METRNL: variants seen among roughly 807,000 people sequenced by gnomAD.
The protein encoded by METRNL is meteorin-like protein.
Under a neutral mutation model 17.4 loss-of-function variants are expected in METRNL, and 9 were observed. The observed-to-expected ratio is 0.52, with a 90% CI of 0.31 to 0.90. The LOEUF is 0.90. METRNL is among the 40% of genes least tolerant of loss of function. The pLI is 0.05. For synonymous variants in METRNL, 215 were observed against 199.3 expected, an observed-to-expected ratio of 1.08 and a Z score of -0.66; for missense variants, 408 against 430.7, an observed-to-expected ratio of 0.95 and a Z score of 0.47.
chr17:83,083,280 G>A (rs998849459), intron 1 of METRNL, among the ~76,000 whole-genome samples: 6 of 152,202 alleles, frequency 3.9e-5, no homozygotes, highest in South Asian at 2.1e-4. Flanking sequence ...ACCAGAGCCC[G>A]CTCCCTCGAC....
chr17:83,083,403 G>A (rs927188505), intron 1 of METRNL, among the ~76,000 whole-genome samples: 10 of 152,232 alleles, frequency 6.6e-5, no homozygotes, highest in African/African-American at 2.2e-4. Context: ...TGCCAGAGAC[G>A]GGAGGGAGAG....
intron 2 of METRNL, among the ~76,000 whole-genome samples, chr17:83,088,444 T>G (rs754863825): frequency 2.0e-5 from 3 of 152,182 alleles, no homozygotes; most frequent in Non-Finnish European, 2.9e-5. Flanking sequence ...AGGATTCCAG[T>G]CTGTTCTTCA....
chr17:83,081,507 AC>A (rs1045555268), intron 1 of METRNL, among the ~76,000 whole-genome samples: 2 of 151,958 alleles, frequency 1.3e-5, no homozygotes. Context: ...CGGGGAGGCC[AC>A]CCCTCCACCT....
chr17:83,081,562 A>G (rs796167639), intron 1 of METRNL, among the ~76,000 whole-genome samples: 42 of 152,240 alleles, frequency 2.8e-4, no homozygotes, highest in African/African-American at 9.9e-4. Flanking sequence ...GCAGCGGGAC[A>G]GGAGTGCTTT....
rs749764393 is a variant in METRNL, at chr17:83,093,171, G to A, written c.561G>A (p.Pro187=). 7 of 1,607,486 alleles carry A rather than the reference G, an allele frequency of 4.4e-6. No individual in the cohort carries two copies. The highest frequency in any genetic ancestry group is 1.1e-5 in the South Asian group (1 of 91,070). The change falls in exon 3 of 4, where the codon CCG becomes CCA. Residue 187 remains proline, a synonymous_variant. Transcript: ENST00000320095. ...RASDLHELSA[P]CRPCSDTEVL... ...GACTCTGCCTTTCTTCTCCAGCGCCGTGCCGTCCCTGCAGTGACACCGAGG... is the reference window on the plus strand; with the variant it reads ...GACTCTGCCTTTCTTCTCCAGCGCCATGCCGTCCCTGCAGTGACACCGAGG...
intron 2 of METRNL, among the ~76,000 whole-genome samples, chr17:83,090,143 CGCCCCGCCCCAGGG>C (rs2038102775): frequency 7.2e-6 from 1 of 139,550 alleles, no homozygotes; most frequent in Non-Finnish European, 1.6e-5. Flanking sequence ...CACACACCCC[CGCCCCGCCCCAGGG>C]TGGGAGCCAC....
chr17:83,089,350 C>G (rs890648552), intron 2 of METRNL, among the ~76,000 whole-genome samples: 1 of 152,194 alleles, frequency 6.6e-6, no homozygotes, highest in Non-Finnish European at 1.5e-5. Context: ...GTAATCGTGG[C>G]CACAGAGGTT....
chr17:83,088,954 C>G (rs989771301), intron 2 of METRNL, among the ~76,000 whole-genome samples: 5 of 152,148 alleles, frequency 3.3e-5, no homozygotes. Flanking sequence ...TTGGTGCCTT[C>G]TCTCCGGCCA....
At chr17:83,091,598 A>G (rs2038137949) in intron 2 of METRNL, among the ~76,000 whole-genome samples, 1 of 152,218 alleles carries the variant, frequency 6.6e-6, no homozygotes, top group Non-Finnish European at 1.5e-5. Flanking sequence ...TGGGACCCCC[A>G]GTCACCAGCA....
intron 1 of METRNL, among the ~76,000 whole-genome samples, chr17:83,081,356 G>C (rs2037985791): frequency 6.6e-6 from 1 of 151,966 alleles, no homozygotes; most frequent in Admixed American, 6.5e-5. Context: ...ACCGAAGCCA[G>C]AAACGCCGCC....
rs776403838 is a variant in METRNL, at chr17:83,084,941, G to T, written c.174G>T (p.Gly58=). The T allele has an allele frequency of 6.2e-7, 1 of 1,610,022 alleles. No individual in the cohort carries two copies. The highest frequency in any genetic ancestry group is 8.5e-7 in the Non-Finnish European group (1 of 1,177,878). Residue 58 remains glycine, a synonymous_variant, in exon 2 of 4, where the codon GGG becomes GGT. Transcript: ENST00000320095. ...SSDRCSWKGS[G]LTHEAHRKEV... ...TGACAGTGTCTCTCCTCTGCAGCGG[G>T]CTGACGCACGAGGCACACAGGAAGG...
intron 2 of METRNL, among the ~76,000 whole-genome samples, chr17:83,085,615 C>T (rs890459849): frequency 1.2e-4 from 18 of 152,198 alleles, no homozygotes; most frequent in African/African-American, 4.3e-4. Context: ...ACTAAAACCA[C>T]CTTTGAAAAG....
chr17:83,084,062 A>T (rs66468457), intron 1 of METRNL: 1 of 151,946 alleles, frequency 6.6e-6, no homozygotes. Context: ...AGTGTAGCAC[A>T]CTTCATTTTT....
chr17:83,082,792 C>T (rs1006890211), intron 1 of METRNL, among the ~76,000 whole-genome samples: 5 of 152,214 alleles, frequency 3.3e-5, no homozygotes, highest in South Asian at 2.1e-4. Context: ...GACTTCGTGC[C>T]GAGGTCTGCT....
At chr17:83,087,101 G>C (rs562188094) in intron 2 of METRNL, among the ~76,000 whole-genome samples, 1 of 152,114 alleles carries the variant, frequency 6.6e-6, no homozygotes, top group African/African-American at 2.4e-5. Context: ...GTGGGTCCTC[G>C]CTCACCCTCC....
At position 83,085,185 on chromosome 17, in the gene METRNL, C is replaced by A. The variant is rs199503836; in HGVS notation, c.418C>A (p.Arg140=). 1.9e-6 allele frequency: 3 copies of A among 1,611,364 alleles called. No individual in the cohort carries two copies. The South Asian group carries it at 3.3e-5, about 18-fold the overall frequency. ...LVPDGDGRPG[R]VQCFGLEQGG... ...ACCAGACGGGGACGGCAGGCCCGGC[C>A]GGGTGCAGTGTTTTGGCCTGGAGCA... is the stretch of plus-strand genomic sequence containing the variant. The change falls in exon 2 of 4, where the codon CGG becomes AGG. Residue 140 remains arginine (R), a synonymous_variant. Coordinates refer to ENST00000320095, the MANE Select transcript of METRNL (RefSeq NM_001004431.3).
chr17:83,090,009 G>A (rs921435198), intron 2 of METRNL, among the ~76,000 whole-genome samples: 1 of 152,036 alleles, frequency 6.6e-6, no homozygotes, highest in Non-Finnish European at 1.5e-5. Context: ...GCCGTCCGCT[G>A]AGGTCGTGGG....
intron 1 of METRNL, among the ~76,000 whole-genome samples, chr17:83,080,674 G>T (rs1486937590): frequency 6.9e-6 from 1 of 145,476 alleles, no homozygotes; most frequent in Non-Finnish European, 1.5e-5. Context: ...TGCCCCTCGG[G>T]AGCCGCCGCC....
At chr17:83,088,684 C>T (rs1174161061) in intron 2 of METRNL, among the ~76,000 whole-genome samples, 4 of 151,862 alleles carry the variant, frequency 2.6e-5, no homozygotes, top group African/African-American at 9.7e-5. Context: ...CGGAGTCCTG[C>T]AGCGTCTCAG....
Sources: allele counts gnomAD v4.1 joint callset (sites outside exome capture counted in the v4.1 genomes callset), GRCh38; gene constraint gnomAD v4.1.1; transcripts MANE v1.5; gene names NCBI Gene and HGNC (gene_info 2026-07-23, HGNC 2026-07-21).